The following DEFB112 variants were observed in gnomAD, a reference collection of about 807,000 sequenced individuals.
DEFB112 encodes beta-defensin 112.
A neutral mutation model predicts 1.1 loss-of-function variants in DEFB112; 2 were observed. The ratio of observed to expected loss-of-function variants is 1.85; its 90% CI spans 0.76 to 5.83. The LOEUF is 5.83. Among genes scored for constraint, DEFB112 ranks in the 30% most tolerant of loss-of-function variants. The probability of loss-of-function intolerance (pLI) is 0.05; values close to 1 mark genes in which losing one functional copy is unlikely to be tolerated. For synonymous variants in DEFB112, 40 were observed against 31.2 expected (o/e 1.28, Z -0.93); for missense variants, 120 against 94.4 (o/e 1.27, Z -1.12).
At chr6:50,045,064 G>A (rs943521197) in intron 1 of DEFB112, among the ~76,000 whole-genome samples, 1 of 151,950 alleles carries the variant, frequency 6.6e-6, no homozygotes, top group Admixed American at 6.6e-5. Flanking sequence ...CTAGGAGACA[G>A]CACTTTATGC....
intron 1 of DEFB112, among the ~76,000 whole-genome samples, chr6:50,047,293 T>G (rs1041664837): frequency 6.6e-6 from 1 of 152,184 alleles, no homozygotes. Flanking sequence ...GTCTGAAGTC[T>G]GAGGCCATGG....
intron 1 of DEFB112, chr6:50,048,761 T>A: frequency 1.4e-6 from 1 of 692,064 alleles, no homozygotes; most frequent in Non-Finnish European, 2.4e-6. Context: ...TGCCTCTATT[T>A]AATGGTCCTA....
chr6:50,044,426 A>G lies in DEFB112; in HGVS notation c.59-625T>C, dbSNP rs547098143. On this transcript the variant is annotated intron_variant, in intron 1 of 1. Coordinates refer to ENST00000651554, the MANE Select transcript of DEFB112 (RefSeq NM_001369057.2). ...CATAATTTTCTAGTTCTACTTTGCCATTTTTCTCTTTCATCCTGAAGTTTC... is the reference window on the plus strand; with the variant it reads ...CATAATTTTCTAGTTCTACTTTGCCGTTTTTCTCTTTCATCCTGAAGTTTC... 5.3e-5 allele frequency among the ~76,000 whole-genome samples: 8 copies of G among 152,146 alleles called. No homozygotes were observed. The East Asian group carries it at 1.2e-3, about 22-fold the overall frequency.
rs748248344 is a variant in DEFB112 at position 50,043,789 on chromosome 6, C to A, written c.71G>T (p.Gly24Val). ...GVLIPPARSE[G>V]HHITFSRWKS... ...CCACCTACTAAAGGTGATATGGTGC[C>A]CTTCACTTCTGGCTGAAAGAAGGCA... Residue 24 changes from glycine (G) to valine (V), a missense_variant, in exon 2 of 2, where the codon GGG (glycine) becomes GTG (valine). Coordinates refer to ENST00000651554, the MANE Select transcript of DEFB112 (RefSeq NM_001369057.2). 14 of 1,613,034 alleles carry A rather than the reference C, an allele frequency of 8.7e-6. No individual in the cohort carries two copies. The highest frequency in any genetic ancestry group is 1.7e-5 in the Admixed American group (1 of 59,960).
rs1774753763 is a variant in DEFB112 at position 50,042,139 on chromosome 6, A to G, written c.*1436T>C. Among the ~76,000 whole-genome samples the G allele has an allele frequency of 6.6e-6, 1 of 152,004 alleles. No homozygotes were observed. The highest frequency in any genetic ancestry group is 2.4e-5 in the African/African-American group (1 of 41,424). ...TTTATTCATAATTTTCATCTATCCT[A>G]CCACAGATACATTAAATTATAGTAT... On this transcript the variant is annotated 3_prime_UTR_variant, in exon 2 of 2. Transcript: ENST00000651554.
chr6:50,048,444 G>T, intron 1 of DEFB112: 2 of 1,021,606 alleles, frequency 2.0e-6, no homozygotes, highest in African/African-American at 1.6e-5. Context: ...AACAGGGACT[G>T]AGGTAGAGAA....
At chr6:50,049,457 C>T (rs920757800) in intron 1 of DEFB112, among the ~76,000 whole-genome samples, 7 of 152,030 alleles carry the variant, frequency 4.6e-5, no homozygotes, top group African/African-American at 1.2e-4. Flanking sequence ...TCATAACTTT[C>T]CCAGTTTTTT....
At chr6:50,045,175 A>G (rs1774811339) in intron 1 of DEFB112, among the ~76,000 whole-genome samples, 1 of 152,090 alleles carries the variant, frequency 6.6e-6, no homozygotes. Context: ...CTGAGATATG[A>G]AAGGTACATT....
At chr6:50,048,440 G>T in intron 1 of DEFB112, 2 of 968,076 alleles carry the variant, frequency 2.1e-6, no homozygotes, top group Non-Finnish European at 3.2e-6. Context: ...AGTAAACAGG[G>T]ACTGAGGTAG....
chr6:50,044,180 T>C (rs1330097429), intron 1 of DEFB112, among the ~76,000 whole-genome samples: 2 of 152,108 alleles, frequency 1.3e-5, no homozygotes, highest in African/African-American at 4.8e-5. Flanking sequence ...TTCTCTTCCT[T>C]TTTAAGATTC....
At chr6:50,046,156 A>T (rs1417995101) in intron 1 of DEFB112, among the ~76,000 whole-genome samples, 1 of 151,554 alleles carries the variant, frequency 6.6e-6, no homozygotes, top group African/African-American at 2.4e-5. Flanking sequence ...TCCACTTTCA[A>T]TTGATGATAT....
Position 50,042,205 on chromosome 6 carries a change from G to A in DEFB112, c.*1370C>T, listed in dbSNP as rs1774755020. Among the ~76,000 whole-genome samples, 1 of 151,908 alleles carries A rather than the reference G, an allele frequency of 6.6e-6. No homozygotes were observed. The highest frequency in any genetic ancestry group is 1.5e-5 in the Non-Finnish European group (1 of 67,926). On this transcript the variant is annotated 3_prime_UTR_variant, in exon 2 of 2. Transcript: ENST00000651554. Reference sequence around the variant, plus strand: ...CCCCTGAAGTGGGGTTCAGAGTTTGGATCATAAACCAAAATCACAAGATGC... The same window carrying A: ...CCCCTGAAGTGGGGTTCAGAGTTTGAATCATAAACCAAAATCACAAGATGC...
intron 1 of DEFB112, among the ~76,000 whole-genome samples, chr6:50,045,424 A>G (rs1184079022): frequency 6.6e-6 from 1 of 152,118 alleles, no homozygotes; most frequent in African/African-American, 2.4e-5. Flanking sequence ...CTTGAATTAA[A>G]CACTAACTTT....
intron 1 of DEFB112, among the ~76,000 whole-genome samples, chr6:50,044,740 C>T (rs1774805192): frequency 6.6e-6 from 1 of 151,920 alleles, no homozygotes; most frequent in South Asian, 2.1e-4. Context: ...TTAGGAAGTA[C>T]ATATCTACCA....
At chr6:50,048,809 G>A (rs1397522788) in intron 1 of DEFB112, among the ~76,000 whole-genome samples, 1 of 152,072 alleles carries the variant, frequency 6.6e-6, no homozygotes, top group South Asian at 2.1e-4. Context: ...TAAACATATA[G>A]TACATATGTT....
rs1390825540 is a variant in DEFB112, at chr6:50,043,292, C to T, written c.*283G>A. On this transcript the variant is annotated 3_prime_UTR_variant, in exon 2 of 2. Coordinates refer to ENST00000651554, the MANE Select transcript of DEFB112 (RefSeq NM_001369057.2). Reference sequence around the variant, plus strand: ...AATGACTCATAATATGCTTTTCACACTAAATAAGGAATTGGCCCCAGAATC... The same window carrying T: ...AATGACTCATAATATGCTTTTCACATTAAATAAGGAATTGGCCCCAGAATC... Among the ~76,000 whole-genome samples, 1 of 151,946 alleles carries T rather than the reference C, an allele frequency of 6.6e-6. No individual in the cohort carries two copies. The highest frequency in any genetic ancestry group is 2.4e-5 in the African/African-American group (1 of 41,384).
chr6:50,043,425 T>G lies in DEFB112; in HGVS notation c.*150A>C. ...GATTCTTTCTTCTAAGCAAGCACAA[T>G]GTTTATAAAAATGTCCAGCTGAAAT... On this transcript the variant is annotated 3_prime_UTR_variant, in exon 2 of 2. Coordinates refer to ENST00000651554, the MANE Select transcript of DEFB112 (RefSeq NM_001369057.2). The G allele has an allele frequency of 1.7e-6, 1 of 578,964 alleles. No homozygotes were observed. Among genetic ancestry groups the G allele is most frequent in the Non-Finnish European group, 3.0e-6 (1 of 335,784 alleles). The allele number at this position is 578,964 out of a possible 1,614,324, so 35.9% of individuals were successfully genotyped here. A position where few individuals can be genotyped will look rare whatever the true frequency, so the allele number is the denominator to read the frequency against.
Position 50,043,773 on chromosome 6 carries a change from A to C in DEFB112, c.87T>G (p.Phe29Leu). 6.2e-7 allele frequency: 1 copy of C among 1,613,432 alleles called. No homozygotes were observed. The highest frequency in any genetic ancestry group is 8.5e-7 in the Non-Finnish European group (1 of 1,179,474). Reference sequence around the variant, plus strand: ...TCGCTGTACATGACTTCCACCTACTAAAGGTGATATGGTGCCCTTCACTTC... The same window carrying C: ...TCGCTGTACATGACTTCCACCTACTCAAGGTGATATGGTGCCCTTCACTTC... ...PARSEGHHIT[F>L]SRWKSCTAIG... The change falls in exon 2 of 2, where the codon TTT (phenylalanine) becomes TTG (leucine). Residue 29 changes from phenylalanine to leucine, a missense_variant. Physicochemically the swap from Phe to Leu is conservative, Grantham distance 22. Coordinates refer to ENST00000651554, the MANE Select transcript of DEFB112 (RefSeq NM_001369057.2).
intron 1 of DEFB112, 61 bp from the exon 2 acceptor site, chr6:50,043,862 A>G: frequency 1.4e-6 from 2 of 1,401,902 alleles, no homozygotes; most frequent in Non-Finnish European, 1.0e-6. Context: ...AAGATTTAAA[A>G]GAAGACATGG....
Sources: allele counts gnomAD v4.1 joint callset (sites outside exome capture counted in the v4.1 genomes callset), GRCh38; gene constraint gnomAD v4.1.1; transcripts MANE v1.5; gene names NCBI Gene and HGNC (gene_info 2026-07-23, HGNC 2026-07-21).